Variants in DOCK2 observed in about 807,000 individuals in gnomAD.
DOCK2 encodes dedicator of cytokinesis 2, also known as dedicator of cytokinesis protein 2.
In DOCK2, 87 loss-of-function variants were observed where a neutral mutation model predicts 248.9. The observed-to-expected ratio is 0.35, with a 90% CI of 0.29 to 0.42. The LOEUF (loss-of-function observed/expected upper bound fraction) is 0.42. Among genes scored for constraint, DOCK2 ranks in the 10% least tolerant of loss-of-function variants. The probability of loss-of-function intolerance (pLI) is 1.00; values close to 1 mark genes in which losing one functional copy is unlikely to be tolerated. For synonymous variants in DOCK2, 805 were observed against 821.6 expected (o/e 0.98, Z 0.35); for missense variants, 1,747 against 2,300.2 (o/e 0.76, Z 4.92).
intron 38 of DOCK2, among the ~76,000 whole-genome samples, chr5:170,045,222 A>G (rs1171641494): frequency 6.6e-6 from 1 of 152,202 alleles, no homozygotes; most frequent in South Asian, 2.1e-4. Flanking sequence ...CCAGGACTGC[A>G]TATCAGGAGA....
chr5:169,726,990 A>C (rs933034025), intron 22 of DOCK2, among the ~76,000 whole-genome samples: 3 of 151,728 alleles, frequency 2.0e-5, no homozygotes, highest in Non-Finnish European at 4.4e-5. Context: ...AATTGCTTGA[A>C]CTGGGGGGTG....
intron 44 of DOCK2, among the ~76,000 whole-genome samples, chr5:170,059,324 G>A (rs1757247272): frequency 6.6e-6 from 1 of 152,094 alleles, no homozygotes; most frequent in Non-Finnish European, 1.5e-5. Context: ...ACCCCAGTGA[G>A]GTACATACTA....
intron 22 of DOCK2, among the ~76,000 whole-genome samples, chr5:169,729,780 G>A (rs2113617926): frequency 6.6e-6 from 1 of 152,246 alleles, no homozygotes; most frequent in East Asian, 1.9e-4. Flanking sequence ...GTGGGGGGTA[G>A]CAGAGTGCAG....
chr5:169,825,735 G>A (rs755920177), intron 26 of DOCK2, among the ~76,000 whole-genome samples: 8 of 150,768 alleles, frequency 5.3e-5, no homozygotes, highest in South Asian at 2.1e-4. Context: ...AAACCTGCAC[G>A]TTGTGCACAT....
At position 170,027,762 on chromosome 5, in the gene DOCK2, TAAAG is replaced by T. The variant is rs951056508; in HGVS notation, c.3382-99_3382-96del. ...AGATCCCAGCACTCAACCTGGGAGA[TAAAG>T]AGTGCTCCCTAAAGCTTTGGTTGAA... On this transcript the variant is annotated intron_variant, in intron 33 of 51. Coordinates refer to ENST00000520908, the MANE Select transcript of DOCK2 (RefSeq NM_004946.3). The T allele has an allele frequency of 1.4e-5, 15 of 1,086,768 alleles. 1 individual carries two copies. In the African/African-American group the frequency reaches 2.4e-4, roughly 17 times the overall value. The allele number at this position is 1,086,768 out of a possible 1,614,324, so 67.3% of individuals were successfully genotyped here.
chr5:170,007,131 A>G (rs1361575528), intron 30 of DOCK2, among the ~76,000 whole-genome samples: 1 of 152,248 alleles, frequency 6.6e-6, no homozygotes, highest in Non-Finnish European at 1.5e-5. Context: ...TTATGTTATC[A>G]GTGGAAGAGT....
intron 44 of DOCK2, among the ~76,000 whole-genome samples, chr5:170,062,499 T>C (rs145382778): frequency 8.6e-4 from 131 of 152,236 alleles, no homozygotes; most frequent in Middle Eastern, 6.8e-3. Flanking sequence ...GACACTGTGC[T>C]ATAAAATCAG....
intron 30 of DOCK2, among the ~76,000 whole-genome samples, chr5:170,006,936 C>G (rs1755053571): frequency 6.6e-6 from 1 of 152,186 alleles, no homozygotes; most frequent in Admixed American, 6.5e-5. Flanking sequence ...AATACTCAAC[C>G]TCTCCAAGCT....
chr5:169,891,063 T>C (rs907986721), intron 27 of DOCK2, among the ~76,000 whole-genome samples: 3 of 152,244 alleles, frequency 2.0e-5, no homozygotes, highest in Non-Finnish European at 4.4e-5. Flanking sequence ...ATCTGGCCCC[T>C]GTCTACCTTC....
intron 27 of DOCK2, among the ~76,000 whole-genome samples, chr5:169,931,409 C>T (rs772878575): frequency 2.0e-5 from 3 of 152,342 alleles, no homozygotes; most frequent in Non-Finnish European, 2.9e-5. Context: ...ACACTTCTCC[C>T]GTTCGCCTGA....
At chr5:170,031,654 G>A (rs1020800209) in intron 34 of DOCK2, among the ~76,000 whole-genome samples, 1 of 152,144 alleles carries the variant, frequency 6.6e-6, no homozygotes, top group Non-Finnish European at 1.5e-5. Flanking sequence ...ATGCTAGACT[G>A]TGATCTCCTG....
intron 27 of DOCK2, chr5:169,883,602 A>T (rs145002054): frequency 0.018 from 28,176 of 1,551,558 alleles, 324 homozygotes; most frequent in Middle Eastern, 0.04. Context: ...GACTGGGGGA[A>T]GTTTGGATTG....
chr5:170,047,126 A>G (rs994967003), intron 39 of DOCK2, among the ~76,000 whole-genome samples: 2 of 152,278 alleles, frequency 1.3e-5, no homozygotes, highest in African/African-American at 2.4e-5. Context: ...TAGCCTCACA[A>G]ATCCATGCCC....
At chr5:169,761,010 TA>T (rs1174830066) in intron 24 of DOCK2, among the ~76,000 whole-genome samples, 1 of 152,114 alleles carries the variant, frequency 6.6e-6, no homozygotes, top group Admixed American at 6.5e-5. Context: ...TTCATAGTTT[TA>T]AAAAAAATTA....
rs953752113 is a variant in DOCK2 at position 169,691,063 on chromosome 5, A to G, written c.843+1730A>G. 2.0e-5 allele frequency among the ~76,000 whole-genome samples: 3 copies of G among 152,298 alleles called. No individual in the cohort carries two copies. In the South Asian group the frequency reaches 6.2e-4, roughly 32 times the overall value. On this transcript the variant is annotated intron_variant, in intron 9 of 51. Transcript: ENST00000520908. Reference sequence around the variant, plus strand: ...GCTGTACGAGAAGGGTGATGTTGGCATCTTCTCGACTTCTGGGGGGGCCTC... The same window carrying G: ...GCTGTACGAGAAGGGTGATGTTGGCGTCTTCTCGACTTCTGGGGGGGCCTC...
At chr5:170,065,940 G>A (rs1757473754) in intron 44 of DOCK2, among the ~76,000 whole-genome samples, 1 of 149,284 alleles carries the variant, frequency 6.7e-6, no homozygotes, top group African/African-American at 2.5e-5. Flanking sequence ...TATATTCCAT[G>A]CAAATGAAAA....
At position 170,048,758 on chromosome 5, in the gene DOCK2, G is replaced by C. The variant is rs148699812; in HGVS notation, c.4071+1144G>C. ...GAACCTCAAGTGTCCCTGGAGCACA[G>C]TTTCTGAACCACTACTGTAGTGGCC... On this transcript the variant is annotated intron_variant, in intron 40 of 51. Transcript: ENST00000520908. 1.0e-3 allele frequency among the ~76,000 whole-genome samples: 155 copies of C among 152,318 alleles called. 1 individual carries two copies. Among genetic ancestry groups the C allele is most frequent in the African/African-American group, 3.7e-3 (152 of 41,564 alleles).
At chr5:169,940,702 T>C (rs147099163) in intron 27 of DOCK2, among the ~76,000 whole-genome samples, 209 of 152,234 alleles carry the variant, frequency 1.4e-3, no homozygotes, top group Non-Finnish European at 2.4e-3. Flanking sequence ...GAGAATCTAA[T>C]CCCACCACTG....
intron 34 of DOCK2, among the ~76,000 whole-genome samples, chr5:170,028,937 G>T (rs1321592902): frequency 6.6e-6 from 1 of 152,038 alleles, no homozygotes; most frequent in Non-Finnish European, 1.5e-5. Flanking sequence ...AAAATATTTG[G>T]TACCATATGG....
Sources: allele counts gnomAD v4.1 joint callset (sites outside exome capture counted in the v4.1 genomes callset), GRCh38; gene constraint gnomAD v4.1.1; transcripts MANE v1.5; gene names NCBI Gene and HGNC (gene_info 2026-07-23, HGNC 2026-07-21).